Variants in HCLS1 observed in about 807,000 individuals in gnomAD.
HCLS1 encodes the protein hematopoietic lineage cell-specific protein.
A neutral mutation model predicts 68.6 loss-of-function variants in HCLS1; 44 were observed. The ratio of observed to expected loss-of-function variants is 0.64; its 90% confidence interval spans 0.50 to 0.82. HCLS1 has a LOEUF of 0.82. Among genes scored for constraint, HCLS1 ranks in the 40% least tolerant of loss-of-function variants. HCLS1 has a pLI of 0.00. For missense variants in HCLS1, 602 were observed against 612.1 expected, an observed-to-expected ratio of 0.98 and a Z score of 0.17; for synonymous variants, 217 against 225.8, an observed-to-expected ratio of 0.96 and a Z score of 0.35.
intron 9 of HCLS1, among the ~76,000 whole-genome samples, chr3:121,634,896 T>G (rs1316441828): frequency 6.6e-6 from 1 of 152,142 alleles, no homozygotes; most frequent in African/African-American, 2.4e-5. Context: ...CATCCCAAAG[T>G]GCTGGGATTA....
chr3:121,636,413 A>G (rs1458228599), intron 8 of HCLS1, 21 bp downstream of exon 8: 3 of 1,595,310 alleles, frequency 1.9e-6, no homozygotes, highest in South Asian at 2.2e-5. Flanking sequence ...TTCTTAAGAC[A>G]TTGGTGTTCC....
chr3:121,645,305 T>G (rs1449458401), intron 4 of HCLS1, among the ~76,000 whole-genome samples: 1 of 152,156 alleles, frequency 6.6e-6, no homozygotes, highest in Non-Finnish European at 1.5e-5. Flanking sequence ...CCAAGGGGAC[T>G]GACCGGACGC....
intron 1 of HCLS1, among the ~76,000 whole-genome samples, chr3:121,658,644 C>G (rs929697404): frequency 6.6e-6 from 1 of 152,202 alleles, no homozygotes; most frequent in African/African-American, 2.4e-5. Context: ...GTCAAAATTG[C>G]TGGAATTGTT....
At chr3:121,632,674 T>C in intron 11 of HCLS1, 111 bp from the exon 12 acceptor site, 1 of 894,266 alleles carries the variant, frequency 1.1e-6, no homozygotes, top group Non-Finnish European at 1.7e-6. Context: ...CCCTCTACCC[T>C]TGCCTCCATC....
At position 121,631,775 on chromosome 3, in the gene HCLS1, A is replaced by G. The variant is rs957164655; in HGVS notation, c.*71T>C. On this transcript the variant is annotated 3_prime_UTR_variant, in exon 14 of 14. Coordinates refer to ENST00000314583, the MANE Select transcript of HCLS1 (RefSeq NM_005335.6). The stretch of plus-strand genomic sequence containing the variant: ...ATCTGGTTAGACATTTGCAGCAGGA[A>G]TAGGGAGGGGGTGGAGGCAGAGCCA... The G allele has an allele frequency of 5.4e-5, 83 of 1,533,896 alleles. No individual in the cohort carries two copies. Among genetic ancestry groups the G allele is most frequent in the Non-Finnish European group, 7.1e-5 (79 of 1,113,742 alleles).
intron 7 of HCLS1, 125 bp downstream of exon 7, chr3:121,637,021 C>A: frequency 1.5e-6 from 1 of 686,364 alleles, no homozygotes; most frequent in Non-Finnish European, 2.7e-6. Flanking sequence ...GTGCTTACTG[C>A]CCTGGCACCC....
At chr3:121,655,447 T>A (rs1392843612) in intron 3 of HCLS1, 2 of 147,676 alleles carry the variant, frequency 1.4e-5, no homozygotes, top group African/African-American at 4.9e-5. Flanking sequence ...CATTTTTTTA[T>A]GAGGGTTGCT....
intron 5 of HCLS1, 35 bp downstream of exon 5, chr3:121,644,783 G>C (rs2049229813): frequency 7.0e-7 from 1 of 1,421,670 alleles, no homozygotes; most frequent in Non-Finnish European, 1.0e-6. Context: ...CACAGGACTG[G>C]AGGTGGGTGG....
At chr3:121,640,923 G>A (rs1002444200) in intron 6 of HCLS1, among the ~76,000 whole-genome samples, 1 of 152,010 alleles carries the variant, frequency 6.6e-6, no homozygotes, top group African/African-American at 2.4e-5. Context: ...AGTTTAAAAT[G>A]CAATGGACAG....
chr3:121,657,532 G>A (rs1348915328), intron 2 of HCLS1, among the ~76,000 whole-genome samples, 180 bp from the exon 3 acceptor site: 1 of 152,106 alleles, frequency 6.6e-6, no homozygotes, highest in South Asian at 2.1e-4. Flanking sequence ...TTAAACTGGT[G>A]AGGCCAGGCG....
chr3:121,633,050 T>C lies in HCLS1; in HGVS notation c.1008+17A>G. On this transcript the variant is annotated intron_variant, in intron 11 of 13. Transcript: ENST00000314583. Reference sequence around the variant, plus strand: ...GAAGATGGGGTGGGGGCAGAGAATCTTTGGGGGTTTGCTTACCTCCGGGAG... The same window carrying C: ...GAAGATGGGGTGGGGGCAGAGAATCCTTGGGGGTTTGCTTACCTCCGGGAG... The C allele has an allele frequency of 5.2e-6, 8 of 1,546,268 alleles. No individual in the cohort carries two copies. Among genetic ancestry groups the C allele is most frequent in the Admixed American group, 1.7e-5 (1 of 59,440 alleles).
At chr3:121,635,556 T>A (rs966611223) in intron 9 of HCLS1, among the ~76,000 whole-genome samples, 179 bp downstream of exon 9, 2 of 152,084 alleles carry the variant, frequency 1.3e-5, no homozygotes, top group Admixed American at 6.6e-5. Context: ...GGATTACAGA[T>A]GTGAGCTCCG....
intron 8 of HCLS1, 51 bp from the exon 9 acceptor site, chr3:121,635,855 G>A: frequency 6.8e-7 from 1 of 1,480,764 alleles, no homozygotes; most frequent in Non-Finnish European, 9.4e-7. Context: ...CAAGGGTAGT[G>A]GTGACCTGGA....
chr3:121,653,426 G>A (rs767812773), intron 3 of HCLS1: 2 of 152,174 alleles, frequency 1.3e-5, no homozygotes, highest in East Asian at 1.9e-4. Flanking sequence ...GGATGCCAAC[G>A]TCATCTATGA....
At chr3:121,634,140 T>C in intron 10 of HCLS1, 67 bp downstream of exon 10, 1 of 1,601,942 alleles carries the variant, frequency 6.2e-7, no homozygotes, top group Non-Finnish European at 8.5e-7. Context: ...GCCAATGGTT[T>C]GGACCCCTTA....
intron 6 of HCLS1, 38 bp downstream of exon 6, chr3:121,642,889 T>G (rs772650407): frequency 6.5e-7 from 1 of 1,540,370 alleles, no homozygotes; most frequent in Non-Finnish European, 9.0e-7. Flanking sequence ...AGCCTGCCGG[T>G]CAGATTGCTG....
intron 6 of HCLS1, among the ~76,000 whole-genome samples, chr3:121,637,991 A>C (rs544288897): frequency 6.6e-6 from 1 of 152,272 alleles, no homozygotes; most frequent in African/African-American, 2.4e-5. Flanking sequence ...CTGGCTCCAG[A>C]AACCAGAGAC....
chr3:121,658,554 A>G (rs1576223275), intron 1 of HCLS1, among the ~76,000 whole-genome samples: 1 of 152,326 alleles, frequency 6.6e-6, no homozygotes, highest in African/African-American at 2.4e-5. Flanking sequence ...ACTTTAATCA[A>G]GACGAATTGA....
chr3:121,636,976 C>T (rs534365333), intron 7 of HCLS1, among the ~76,000 whole-genome samples, 170 bp downstream of exon 7: 1 of 152,184 alleles, frequency 6.6e-6, no homozygotes, highest in South Asian at 2.1e-4. Flanking sequence ...CATCTCTCCT[C>T]TCTCCCCTCA....
Sources: allele counts gnomAD v4.1 joint callset (sites outside exome capture counted in the v4.1 genomes callset), GRCh38; gene constraint gnomAD v4.1.1; transcripts MANE v1.5; gene names NCBI Gene and HGNC (gene_info 2026-07-23, HGNC 2026-07-21).